PRMT8: variants seen among roughly 807,000 people sequenced by gnomAD.
PRMT8 encodes the protein protein arginine N-methyltransferase 8.
PRMT8 carries 7 observed loss-of-function variants against 47.1 expected under a neutral mutation model. The observed-to-expected ratio is 0.15, with a 90% CI of 0.08 to 0.28. The LOEUF is 0.28. Among genes scored for constraint, PRMT8 ranks in the 10% least tolerant of loss-of-function variants. The pLI is 1.00. For synonymous variants in PRMT8, 188 were observed against 186.5 expected (o/e 1.01, Z -0.07); for missense variants, 237 against 505.4 (o/e 0.47, Z 5.09).
intron 4 of PRMT8, among the ~76,000 whole-genome samples, chr12:3,559,482 T>C (rs1354077840): frequency 1.3e-5 from 2 of 152,204 alleles, no homozygotes; most frequent in Admixed American, 1.3e-4. Flanking sequence ...ACACAAACTT[T>C]ATTACTGTAT....
At chr12:3,420,881 G>T (rs867932190) in intron 1 of PRMT8, among the ~76,000 whole-genome samples, 1 of 152,316 alleles carries the variant, frequency 6.6e-6, no homozygotes, top group Middle Eastern at 3.4e-3. Flanking sequence ...TGTGGAGCTG[G>T]GGCTGCTTCA....
intron 1 of PRMT8, among the ~76,000 whole-genome samples, chr12:3,478,544 A>G (rs1319453266): frequency 2.0e-5 from 3 of 152,190 alleles, no homozygotes; most frequent in African/African-American, 7.2e-5. Context: ...AAAGGAGACT[A>G]TATATTCCTG....
At chr12:3,498,747 C>G (rs904875938) in intron 1 of PRMT8, among the ~76,000 whole-genome samples, 1 of 152,110 alleles carries the variant, frequency 6.6e-6, no homozygotes, top group Non-Finnish European at 1.5e-5. Context: ...AGGACAGGAA[C>G]TTTGTTTCTT....
At position 3,508,226 on chromosome 12, in the gene PRMT8, C is replaced by T. The variant is rs547833550; in HGVS notation, c.75+16526C>T. ...GGGAATAGTCAATTCTGATGTTCAC[C>T]GAAAGTAGATATAAATGACCTATTC... is the stretch of plus-strand genomic sequence containing the variant. On this transcript the variant is annotated intron_variant, in intron 1 of 9. Coordinates refer to ENST00000382622, the MANE Select transcript of PRMT8 (RefSeq NM_019854.5). This position sits in a 1 kb window ranked among gnomAD's most constrained non-coding sequence, Gnocchi z 4.9. 1.1e-4 allele frequency among the ~76,000 whole-genome samples: 17 copies of T among 152,098 alleles called. No individual in the cohort carries two copies. The highest frequency in any genetic ancestry group is 3.4e-4 in the African/African-American group (14 of 41,472).
intron 1 of PRMT8, among the ~76,000 whole-genome samples, chr12:3,392,958 G>A (rs1864209925): frequency 6.6e-6 from 1 of 152,190 alleles, no homozygotes; most frequent in Admixed American, 6.5e-5. Context: ...GTCTCTGATG[G>A]CCAGTGATGG....
chr12:3,584,378 A>T (rs1011617683), intron 8 of PRMT8, among the ~76,000 whole-genome samples: 14 of 152,080 alleles, frequency 9.2e-5, no homozygotes, highest in African/African-American at 3.4e-4. Flanking sequence ...ATGAATTTGG[A>T]GGGGGGGACA....
At chr12:3,495,664 C>CT (rs748857754) in intron 1 of PRMT8, among the ~76,000 whole-genome samples, 16 of 152,064 alleles carry the variant, frequency 1.1e-4, no homozygotes, top group African/African-American at 1.4e-4. Context: ...AGATAATGCA[C>CT]TTTTTTTTGA....
In PRMT8 at chr12:3,492,820, A is replaced by G. The variant is rs1475864724; in HGVS notation, c.75+1120A>G. ...TTACTCAGTGGCAGGAAAAAGACAC[A>G]GAGAGCAAACTCCCAGGCTCTATTA... On this transcript the variant is annotated intron_variant, in intron 1 of 9. Coordinates refer to ENST00000382622, the MANE Select transcript of PRMT8 (RefSeq NM_019854.5). This position sits in a 1 kb window ranked among gnomAD's most constrained non-coding sequence, Gnocchi z 7.5. 2.0e-5 allele frequency among the ~76,000 whole-genome samples: 3 copies of G among 152,018 alleles called. No individual in the cohort carries two copies. Among genetic ancestry groups the G allele is most frequent in the Non-Finnish European group, 2.9e-5 (2 of 67,986 alleles).
Position 3,508,631 on chromosome 12 carries a change from G to C in PRMT8, c.75+16931G>C, listed in dbSNP as rs1237317375. On this transcript the variant is annotated intron_variant, in intron 1 of 9. Transcript: ENST00000382622. The surrounding 1 kb of genome is among the most constrained non-coding windows in gnomAD (Gnocchi z 4.9). Reference sequence around the variant, plus strand: ...CTGTGAGTTGTGGTGCTGTGGGCTTGTTCCAGGCAGGGTTCTGGTCACCTT... The same window carrying C: ...CTGTGAGTTGTGGTGCTGTGGGCTTCTTCCAGGCAGGGTTCTGGTCACCTT... Among the ~76,000 whole-genome samples the C allele has an allele frequency of 6.6e-6, 1 of 152,172 alleles. No homozygotes were observed. Among genetic ancestry groups the C allele is most frequent in the Non-Finnish European group, 1.5e-5 (1 of 68,036 alleles).
At chr12:3,386,721 TTC>T (rs1378631080) in intron 1 of PRMT8, among the ~76,000 whole-genome samples, 1 of 151,902 alleles carries the variant, frequency 6.6e-6, no homozygotes, top group African/African-American at 2.4e-5. Flanking sequence ...TTTTCTTTCT[TTC>T]TTTTTTTATG....
chr12:3,422,402 C>A (rs2137062270), intron 1 of PRMT8, among the ~76,000 whole-genome samples: 1 of 152,308 alleles, frequency 6.6e-6, no homozygotes, highest in Admixed American at 6.5e-5. Context: ...AGACAAGAAC[C>A]CTTCAGACAC....
intron 1 of PRMT8, among the ~76,000 whole-genome samples, chr12:3,516,940 T>G (rs928305044): frequency 6.6e-6 from 1 of 152,144 alleles, no homozygotes; most frequent in African/African-American, 2.4e-5. Flanking sequence ...TCAAATACTT[T>G]AAGAGCCCCT....
chr12:3,390,584 A>G (rs1344900590), intron 1 of PRMT8, among the ~76,000 whole-genome samples: 1 of 152,210 alleles, frequency 6.6e-6, no homozygotes, highest in East Asian at 1.9e-4. Context: ...TGTTCTGCAC[A>G]GGAAGAAACA....
chr12:3,487,427 C>G (rs977391497), upstream of PRMT8, among the ~76,000 whole-genome samples: 1 of 152,068 alleles, frequency 6.6e-6, no homozygotes, highest in East Asian at 1.9e-4. Flanking sequence ...TTGGTTGGCC[C>G]CTGGAGATGA....
intron 5 of PRMT8, 63 bp downstream of exon 5, chr12:3,568,911 C>T (rs1190606911): frequency 2.5e-6 from 4 of 1,602,286 alleles, no homozygotes; most frequent in Non-Finnish European, 3.4e-6. Flanking sequence ...CTACCCAAGG[C>T]CTGCAGCCTA....
chr12:3,453,151 C>T lies in PRMT8; in HGVS notation c.48+71709C>T, dbSNP rs1365064728. On this transcript the variant is annotated intron_variant, in intron 1 of 9. Coordinates refer to the PRMT8 transcript ENST00000452611. The surrounding 1 kb of genome is among the most constrained non-coding windows in gnomAD (Gnocchi z 4.9). Reference sequence around the variant, plus strand: ...GAGAGGGGTCAGTCCGGGAGACCGTCCTGAAGAGTGGCCTGTGATGGAAAA... The same window carrying T: ...GAGAGGGGTCAGTCCGGGAGACCGTTCTGAAGAGTGGCCTGTGATGGAAAA... Among the ~76,000 whole-genome samples the T allele has an allele frequency of 6.6e-6, 1 of 152,098 alleles. No homozygotes were observed. Among genetic ancestry groups the T allele is most frequent in the Non-Finnish European group, 1.5e-5 (1 of 68,014 alleles).
At chr12:3,448,787 T>C (rs1325078136) in intron 1 of PRMT8, among the ~76,000 whole-genome samples, 1 of 152,234 alleles carries the variant, frequency 6.6e-6, no homozygotes, top group Non-Finnish European at 1.5e-5. Context: ...GCAGGTTTGT[T>C]ACCTAGGTAA....
intron 1 of PRMT8, among the ~76,000 whole-genome samples, chr12:3,531,389 A>C (rs562196845): frequency 6.6e-6 from 1 of 152,338 alleles, no homozygotes; most frequent in Admixed American, 6.5e-5. Flanking sequence ...TTAACTTGAC[A>C]TCTCTTGCAG....
At chr12:3,443,235 G>T (rs1864821856) in intron 1 of PRMT8, among the ~76,000 whole-genome samples, 2 of 152,204 alleles carry the variant, frequency 1.3e-5, no homozygotes, top group African/African-American at 4.8e-5. Flanking sequence ...AAAAGCCACA[G>T]TTCCTGGCAG....
Sources: allele counts gnomAD v4.1 joint callset (sites outside exome capture counted in the v4.1 genomes callset), GRCh38; gene constraint gnomAD v4.1.1; non-coding constraint Gnocchi (gnomAD v3.1); transcripts MANE v1.5; gene names NCBI Gene and HGNC (gene_info 2026-07-23, HGNC 2026-07-21).